Variants in MCU observed in about 807,000 individuals in gnomAD.
MCU encodes mitochondrial calcium uniporter.
A neutral mutation model predicts 45.2 loss-of-function variants in MCU; 12 were observed. The ratio of observed to expected loss-of-function variants is 0.27; its 90% CI spans 0.17 to 0.43. MCU has a LOEUF of 0.43. Ranked by LOEUF, MCU falls within the 20% of genes least tolerant of loss-of-function variation. MCU has a pLI of 1.00. For synonymous variants in MCU, 160 were observed against 165.1 expected, an observed-to-expected ratio of 0.97 and a Z score of 0.24; for missense variants, 324 against 436.7, an observed-to-expected ratio of 0.74 and a Z score of 2.30.
chr10:72,861,296 G>A (rs1222036519), intron 4 of MCU, among the ~76,000 whole-genome samples: 1 of 151,998 alleles, frequency 6.6e-6, no homozygotes, highest in South Asian at 2.1e-4. Context: ...AGAGTGTTGC[G>A]ATTACAGGCA....
chr10:72,757,704 A>G (rs963298544), intron 1 of MCU, among the ~76,000 whole-genome samples: 5 of 152,218 alleles, frequency 3.3e-5, no homozygotes, highest in Admixed American at 1.3e-4. Context: ...GTTTTTCCCC[A>G]ACTAAATAAT....
At chr10:72,718,683 C>G (rs941776199) in intron 1 of MCU, among the ~76,000 whole-genome samples, 3 of 152,110 alleles carry the variant, frequency 2.0e-5, no homozygotes, top group Non-Finnish European at 4.4e-5. Context: ...ACCAAAAGAC[C>G]TGGACAAAAA....
intron 1 of MCU, among the ~76,000 whole-genome samples, chr10:72,717,379 C>T (rs530176960): frequency 1.4e-3 from 216 of 152,118 alleles, no homozygotes; most frequent in Non-Finnish European, 2.4e-3. Flanking sequence ...CCTACCTCAG[C>T]CTCCTAAGTA....
chr10:72,790,440 A>G (rs1844141884), intron 1 of MCU, among the ~76,000 whole-genome samples: 1 of 152,198 alleles, frequency 6.6e-6, no homozygotes, highest in African/African-American at 2.4e-5. Context: ...CTAAACAAAC[A>G]TCTAAAGATT....
intron 1 of MCU, among the ~76,000 whole-genome samples, chr10:72,791,550 TTCTC>T (rs1286143407): frequency 2.6e-5 from 4 of 152,350 alleles, no homozygotes; most frequent in Middle Eastern, 6.8e-3. Flanking sequence ...TGCCTTTTCT[TTCTC>T]TTTCTTTGAG....
Position 72,708,067 on chromosome 10 carries a change from T to C in MCU, c.150+15766T>C, listed in dbSNP as rs114534401. On this transcript the variant is annotated intron_variant, in intron 1 of 7. Coordinates refer to ENST00000373053, the MANE Select transcript of MCU (RefSeq NM_138357.3). ...ATTTCATTAGATGGCTTGTGTAAAA[T>C]CATAAACTCAGGTATTGTGTATTTG... Among the ~76,000 whole-genome samples the C allele has an allele frequency of 8.5e-3, 1,302 of 152,322 alleles. 23 individuals carry two copies. Among genetic ancestry groups the C allele is most frequent in the African/African-American group, 0.029 (1,209 of 41,562 alleles).
chr10:72,856,405 A>G (rs1207506226), intron 2 of MCU, among the ~76,000 whole-genome samples: 3 of 152,188 alleles, frequency 2.0e-5, no homozygotes, highest in Non-Finnish European at 4.4e-5. Context: ...AATTCAAATC[A>G]TGAAAGATTT....
chr10:72,858,098 G>A (rs1015003029), intron 2 of MCU, among the ~76,000 whole-genome samples: 1 of 152,134 alleles, frequency 6.6e-6, no homozygotes, highest in African/African-American at 2.4e-5. Context: ...AGGCTGGGAA[G>A]TGTAGCCTCC....
intron 4 of MCU, among the ~76,000 whole-genome samples, chr10:72,862,048 A>G: frequency 6.8e-6 from 1 of 147,714 alleles, no homozygotes; most frequent in African/African-American, 2.5e-5. Flanking sequence ...GTGGCACAAT[A>G]TCGGCTCACT....
At chr10:72,826,937 A>G (rs1346247621) in intron 1 of MCU, among the ~76,000 whole-genome samples, 1 of 152,114 alleles carries the variant, frequency 6.6e-6, no homozygotes, top group African/African-American at 2.4e-5. Context: ...TGTAACTTTT[A>G]TTACAATATA....
At chr10:72,793,005 G>A (rs1259906479) in intron 1 of MCU, among the ~76,000 whole-genome samples, 1 of 151,816 alleles carries the variant, frequency 6.6e-6, no homozygotes, top group East Asian at 1.9e-4. Context: ...CAGCTTCCTG[G>A]GTAGCTGGGA....
intron 1 of MCU, among the ~76,000 whole-genome samples, chr10:72,809,317 G>T (rs1025761352): frequency 4.6e-5 from 7 of 152,092 alleles, no homozygotes; most frequent in African/African-American, 1.4e-4. Flanking sequence ...GGAAGAGCTG[G>T]GATTCAAATC....
intron 1 of MCU, among the ~76,000 whole-genome samples, chr10:72,705,647 A>G (rs1291224118): frequency 6.6e-6 from 1 of 152,034 alleles, no homozygotes; most frequent in East Asian, 1.9e-4. Flanking sequence ...GAGAAACCCC[A>G]TCTCTACTAA....
At chr10:72,752,039 C>T (rs1237956835) in intron 1 of MCU, among the ~76,000 whole-genome samples, 3 of 151,982 alleles carry the variant, frequency 2.0e-5, no homozygotes, top group African/African-American at 7.2e-5. Flanking sequence ...CGGGGTTTCA[C>T]CATGTTAGCC....
Position 72,692,176 on chromosome 10 carries a change from C to G in MCU, c.25C>G (p.Leu9Val). 3 of 1,283,338 alleles carry G rather than the reference C, an allele frequency of 2.3e-6. No homozygotes were observed. The highest frequency in any genetic ancestry group is 3.0e-6 in the Non-Finnish European group (3 of 1,008,096). The allele number at this position is 1,283,338 out of a possible 1,614,324, so 79.5% of individuals were successfully genotyped here. Residue 9 changes from leucine (L) to valine (V), a missense_variant, in exon 1 of 8, where the codon CTC becomes GTC. Leu to Val is a conservative substitution (Grantham distance 32, BLOSUM62 1). Transcript: ENST00000373053. The stretch of plus-strand genomic sequence containing the variant: ...GATGGCGGCCGCCGCAGGTAGATCG[C>G]TCCTGCTGCTCCTCTCCTCTCGGGG... MAAAAGRS[L>V]LLLLSSRGGG...
rs546153044 is a variant in MCU at position 72,832,379 on chromosome 10, G to A, written c.151-1980G>A. ...AGATCAGATTACTAAGAAAATGAAA[G>A]CAAAGAAACTCAGAAAGGATAACAA... On this transcript the variant is annotated intron_variant, in intron 1 of 7. Transcript: ENST00000373053. Among the ~76,000 whole-genome samples the A allele has an allele frequency of 5.4e-4, 82 of 152,258 alleles. 1 individual carries two copies. Among genetic ancestry groups the A allele is most frequent in the South Asian group, 4.8e-3 (23 of 4,822 alleles).
intron 1 of MCU, among the ~76,000 whole-genome samples, chr10:72,696,137 G>A (rs1290851695): frequency 6.9e-6 from 1 of 144,690 alleles, no homozygotes; most frequent in Non-Finnish European, 1.5e-5. Flanking sequence ...ACTCCAGCCT[G>A]GGCGAAAGAG....
At chr10:72,848,664 A>G (rs1271243951) in intron 2 of MCU, among the ~76,000 whole-genome samples, 1 of 152,204 alleles carries the variant, frequency 6.6e-6, no homozygotes, top group Non-Finnish European at 1.5e-5. Context: ...CAAGAATTAT[A>G]GAGAGCCTTC....
At chr10:72,749,293 C>A (rs112065774) in intron 1 of MCU, among the ~76,000 whole-genome samples, 21 of 152,126 alleles carry the variant, frequency 1.4e-4, no homozygotes, top group African/African-American at 4.3e-4. Flanking sequence ...CCTCTAAAAT[C>A]AAAAACCAAC....
Sources: gnomAD v4.1 joint callset for allele counts (sites outside exome capture counted in the v4.1 genomes callset) on GRCh38, gnomAD v4.1.1 for gene constraint, MANE v1.5 for transcripts, NCBI Gene and HGNC (gene_info 2026-07-23, HGNC 2026-07-21) for gene names.